Variants in TSHZ2 observed in about 807,000 individuals in gnomAD.
The protein encoded by TSHZ2 is teashirt zinc finger homeobox 2.
TSHZ2 carries 21 observed loss-of-function variants against 74.4 expected under a neutral mutation model. The observed-to-expected ratio is 0.28, with a 90% CI of 0.20 to 0.41. The LOEUF is 0.41. TSHZ2 is among the 10% of genes least tolerant of loss of function. The pLI, the probability that TSHZ2 is intolerant of heterozygous loss-of-function variation, is 1.00. For synonymous variants in TSHZ2, 540 were observed against 515.3 expected (o/e 1.05, Z -0.65); for missense variants, 1,244 against 1,293.5 (o/e 0.96, Z 0.59).
At chr20:53,138,375 C>T (rs1306826431) in intron 1 of TSHZ2, among the ~76,000 whole-genome samples, 1 of 149,536 alleles carries the variant, frequency 6.7e-6, no homozygotes, top group East Asian at 2.0e-4. Context: ...CAGAGCAAGA[C>T]TCTTGTCTCA....
At chr20:53,370,808 G>T (rs1419523868) in intron 2 of TSHZ2, among the ~76,000 whole-genome samples, 6 of 152,170 alleles carry the variant, frequency 3.9e-5, no homozygotes, top group African/African-American at 7.2e-5. Context: ...CACATTTGTG[G>T]GTTGGGTTTG....
intron 1 of TSHZ2, among the ~76,000 whole-genome samples, chr20:53,145,166 T>G (rs539748941): frequency 6.6e-6 from 1 of 152,296 alleles, no homozygotes; most frequent in South Asian, 2.1e-4. Flanking sequence ...TCAAAGCCCA[T>G]GCCTGTCTCT....
chr20:53,463,204 T>C (rs1311409396), intron 2 of TSHZ2, among the ~76,000 whole-genome samples: 3 of 152,170 alleles, frequency 2.0e-5, no homozygotes, highest in Non-Finnish European at 2.9e-5. Flanking sequence ...TTGTGTATGC[T>C]TGTGAAGGAA....
chr20:53,254,951 A>G lies in TSHZ2; in HGVS notation c.1493A>G (p.Tyr498Cys). ...LQKPLDPTIK[Y>C]QYLREEDLED... ...AAACCTTTAGACCCTACAATCAAAT[A>G]TCAATACCTAAGGGAGGAAGACTTG... The change falls in exon 2 of 3, where the codon TAT becomes TGT. Residue 498 changes from tyrosine to cysteine, a missense_variant. Coordinates refer to ENST00000371497, the MANE Select transcript of TSHZ2 (RefSeq NM_173485.6). 1 of 1,613,954 alleles carries G rather than the reference A, an allele frequency of 6.2e-7. No homozygotes were observed. Among genetic ancestry groups the G allele is most frequent in the Non-Finnish European group, 8.5e-7 (1 of 1,179,960 alleles).
rs1292291587 is a variant in TSHZ2 at position 53,001,243 on chromosome 20, T to A, written c.40+27910T>A. ...GTGTGTGTGTGTGTGTGTGTGTGTG[T>A]GTGTGTGTGTGTTTGGGAGGGGGTG... On this transcript the variant is annotated intron_variant, in intron 1 of 2. Transcript: ENST00000371497. 2.0e-5 allele frequency among the ~76,000 whole-genome samples: 3 copies of A among 151,304 alleles called. No homozygotes were observed. The East Asian group carries it at 6.0e-4, about 30-fold the overall frequency.
chr20:53,454,561 C>CAA (rs1250214885), intron 2 of TSHZ2, among the ~76,000 whole-genome samples: 2 of 104,642 alleles, frequency 1.9e-5, no homozygotes, highest in Non-Finnish European at 4.2e-5. Flanking sequence ...AACTTGGTCT[C>CAA]AAAAAAAAAA....
intron 2 of TSHZ2, among the ~76,000 whole-genome samples, chr20:53,380,345 A>C (rs533632312): frequency 6.6e-6 from 1 of 152,364 alleles, no homozygotes; most frequent in East Asian, 1.9e-4. Flanking sequence ...AAATAAAAAT[A>C]TACTCAATAC....
intron 2 of TSHZ2, among the ~76,000 whole-genome samples, chr20:53,265,455 C>T (rs1170330970): frequency 6.6e-6 from 1 of 152,096 alleles, no homozygotes; most frequent in Non-Finnish European, 1.5e-5. Context: ...GGTCTGTTGG[C>T]TGCCAGGTAC....
Position 53,185,754 on chromosome 20 carries a change from C to T in TSHZ2, c.41-67745C>T, listed in dbSNP as rs555567663. On this transcript the variant is annotated intron_variant, in intron 1 of 2. Transcript: ENST00000371497. ...TCTTGCTAAATGGATGTTCAGTTGC[C>T]CTTCAACCATTTTCTTAATGGTTTG... The T allele has an allele frequency of 3.8e-4, 575 of 1,515,934 alleles. 1 individual carries two copies. Among genetic ancestry groups the T allele is most frequent in the Non-Finnish European group, 4.8e-4 (548 of 1,130,302 alleles). The allele number at this position is 1,515,934 out of a possible 1,614,324, so 93.9% of individuals were successfully genotyped here.
intron 2 of TSHZ2, among the ~76,000 whole-genome samples, chr20:53,302,491 G>C (rs1293476308): frequency 6.6e-6 from 1 of 152,174 alleles, no homozygotes; most frequent in Non-Finnish European, 1.5e-5. Flanking sequence ...TGGCAAACAT[G>C]ATCCTTGAAA....
In TSHZ2 at chr20:53,080,649, A is replaced by G. The variant is rs570484141; in HGVS notation, c.40+107316A>G. Among the ~76,000 whole-genome samples, 17 of 152,166 alleles carry G rather than the reference A, an allele frequency of 1.1e-4. No homozygotes were observed. The South Asian group carries it at 3.5e-3, about 32-fold the overall frequency. On this transcript the variant is annotated intron_variant, in intron 1 of 2. Coordinates refer to ENST00000371497, the MANE Select transcript of TSHZ2 (RefSeq NM_173485.6). ...ATACACAGTTCACAACAGGGTTCGT[A>G]CTCCTATGAAAATCGAATGCCCCTG...
At chr20:53,160,745 C>CAAAAAAAAAAAAAAAAAAAAA (rs10653039) in intron 1 of TSHZ2, among the ~76,000 whole-genome samples, 10 of 95,828 alleles carry the variant, frequency 1.0e-4, no homozygotes, top group African/African-American at 3.8e-4. Flanking sequence ...ACTCTGTCTC[C>CAAAAAAAAAAAAAAAAAAAAA]AAAAAAAAAA....
At chr20:53,386,288 G>A (rs978070766) in intron 2 of TSHZ2, among the ~76,000 whole-genome samples, 1 of 152,220 alleles carries the variant, frequency 6.6e-6, no homozygotes, top group Non-Finnish European at 1.5e-5. Flanking sequence ...CCGGCTTCCT[G>A]GGGGAATATT....
intron 2 of TSHZ2, among the ~76,000 whole-genome samples, chr20:53,470,550 T>C (rs1212575485): frequency 1.3e-5 from 2 of 152,172 alleles, no homozygotes; most frequent in Admixed American, 6.5e-5. Flanking sequence ...GCGCGGTGGC[T>C]CATGCCTGTA....
At chr20:53,228,138 A>T (rs919346757) in intron 1 of TSHZ2, among the ~76,000 whole-genome samples, 2 of 146,302 alleles carry the variant, frequency 1.4e-5, no homozygotes, top group African/African-American at 5.0e-5. Flanking sequence ...ACACACACAC[A>T]CACACTCACA....
chr20:53,012,380 C>T (rs1008409058), intron 1 of TSHZ2, among the ~76,000 whole-genome samples: 1 of 152,182 alleles, frequency 6.6e-6, no homozygotes, highest in Non-Finnish European at 1.5e-5. Context: ...ATGTGGTCCT[C>T]AGAGCAGGAG....
At chr20:53,224,281 T>C (rs1183938699) in intron 1 of TSHZ2, among the ~76,000 whole-genome samples, 1 of 152,138 alleles carries the variant, frequency 6.6e-6, no homozygotes, top group Non-Finnish European at 1.5e-5. Context: ...GTGAAAATAA[T>C]GTATGGAGAT....
chr20:53,475,678 T>C (rs988722038), intron 2 of TSHZ2, among the ~76,000 whole-genome samples: 1 of 135,934 alleles, frequency 7.4e-6, no homozygotes, highest in Non-Finnish European at 1.6e-5. Context: ...CTGAAGGAAA[T>C]AGAGACACAA....
chr20:53,271,723 CAAGAGTA>C (rs1278607287), intron 2 of TSHZ2, among the ~76,000 whole-genome samples: 1 of 152,164 alleles, frequency 6.6e-6, no homozygotes, highest in Non-Finnish European at 1.5e-5. Flanking sequence ...GAAGGAACGG[CAAGAGTA>C]AAGTCTTGTT....
Sources: allele counts gnomAD v4.1 joint callset (sites outside exome capture counted in the v4.1 genomes callset), GRCh38; gene constraint gnomAD v4.1.1; transcripts MANE v1.5; gene names NCBI Gene and HGNC (gene_info 2026-07-23, HGNC 2026-07-21).